The following GRIK2 variants were observed in gnomAD, a reference collection of about 807,000 sequenced individuals.
The protein encoded by GRIK2 is glutamate receptor ionotropic, kainate 2.
A neutral mutation model predicts 100.3 loss-of-function variants in GRIK2; 32 were observed. The ratio of observed to expected loss-of-function variants is 0.32; its 90% CI spans 0.24 to 0.43. GRIK2 has a LOEUF of 0.43. GRIK2 is among the 20% of genes least tolerant of loss of function. The pLI, the probability that GRIK2 is intolerant of heterozygous loss-of-function variation, is 1.00. For missense variants in GRIK2, 843 were observed against 1,114.9 expected (o/e 0.76, Z 3.47); for synonymous variants, 417 against 389.4 (o/e 1.07, Z -0.83).
chr6:102,020,592 G>C (rs190605368), intron 14 of GRIK2, among the ~76,000 whole-genome samples: 14 of 151,928 alleles, frequency 9.2e-5, no homozygotes. Flanking sequence ...AAGAATGGGA[G>C]CTTCTTGCTA....
At chr6:101,788,938 G>T (rs1289165638) in intron 7 of GRIK2, among the ~76,000 whole-genome samples, 1 of 152,102 alleles carries the variant, frequency 6.6e-6, no homozygotes, top group Non-Finnish European at 1.5e-5. Flanking sequence ...TTGTGATTTT[G>T]ATTTGCATAT....
intron 2 of GRIK2, among the ~76,000 whole-genome samples, chr6:101,487,569 T>A (rs1389301267): frequency 6.8e-6 from 1 of 147,092 alleles, no homozygotes; most frequent in Non-Finnish European, 1.5e-5. Flanking sequence ...CACCAATATG[T>A]ATAAAACAAA....
At chr6:101,666,266 G>T (rs1333110273) in intron 4 of GRIK2, among the ~76,000 whole-genome samples, 1 of 152,198 alleles carries the variant, frequency 6.6e-6, no homozygotes, top group Non-Finnish European at 1.5e-5. Context: ...AGACTTTTCA[G>T]TTGTTCTTTC....
At chr6:101,977,368 G>A (rs1273134761) in intron 14 of GRIK2, among the ~76,000 whole-genome samples, 1 of 151,776 alleles carries the variant, frequency 6.6e-6, no homozygotes, top group Non-Finnish European at 1.5e-5. Context: ...TAAAGAAGAA[G>A]GGGAGGAAGC....
intron 12 of GRIK2, among the ~76,000 whole-genome samples, chr6:101,892,451 T>C (rs1042425333): frequency 7.2e-5 from 11 of 152,132 alleles, no homozygotes; most frequent in Non-Finnish European, 1.5e-5. Flanking sequence ...TGGTAATCTG[T>C]ACTGATTTTA....
intron 7 of GRIK2, among the ~76,000 whole-genome samples, chr6:101,779,873 C>T (rs974606711): frequency 6.6e-6 from 1 of 151,348 alleles, no homozygotes; most frequent in Non-Finnish European, 1.5e-5. Flanking sequence ...ATAAATCTCT[C>T]TCTCTATATA....
intron 2 of GRIK2, among the ~76,000 whole-genome samples, chr6:101,476,865 AG>A (rs1442950867): frequency 6.6e-6 from 1 of 152,164 alleles, no homozygotes; most frequent in African/African-American, 2.4e-5. Flanking sequence ...GTTCAGGAAG[AG>A]AAAGCAGTGG....
At chr6:101,657,448 G>A (rs1020988355) in intron 4 of GRIK2, among the ~76,000 whole-genome samples, 5 of 152,066 alleles carry the variant, frequency 3.3e-5, no homozygotes, top group African/African-American at 1.2e-4. Context: ...GCAGTCTTGG[G>A]TGGTATCTTT....
At chr6:101,430,882 T>C in intron 2 of GRIK2, 1 of 343,482 alleles carries the variant, frequency 2.9e-6, no homozygotes, top group South Asian at 3.4e-5. Flanking sequence ...TAGGCAGTGG[T>C]GGTGAAGCTG....
At chr6:101,861,950 A>T (rs1784758267) in intron 11 of GRIK2, among the ~76,000 whole-genome samples, 2 of 152,150 alleles carry the variant, frequency 1.3e-5, no homozygotes, top group Non-Finnish European at 2.9e-5. Context: ...TACAACGAGA[A>T]TGGGGGCTTG....
At chr6:101,592,069 C>T (rs648118) in intron 2 of GRIK2, among the ~76,000 whole-genome samples, 57,557 of 151,642 alleles carry the variant, frequency 0.38, 11,921 homozygotes, top group African/African-American at 0.56. Flanking sequence ...AATCTCTTTC[C>T]TACTCCCTCT....
chr6:101,772,097 G>A (rs924978963), intron 7 of GRIK2, among the ~76,000 whole-genome samples: 9 of 152,096 alleles, frequency 5.9e-5, no homozygotes, highest in Admixed American at 4.6e-4. Context: ...TTATCAACAG[G>A]TTCCTCTTCT....
intron 7 of GRIK2, among the ~76,000 whole-genome samples, chr6:101,687,379 A>G (rs1297584973): frequency 6.6e-5 from 10 of 152,002 alleles, no homozygotes; most frequent in Non-Finnish European, 1.5e-5. Flanking sequence ...TACATTTCAT[A>G]GGAAATTACC....
chr6:101,795,295 A>G (rs970743149), intron 7 of GRIK2, among the ~76,000 whole-genome samples: 1 of 152,044 alleles, frequency 6.6e-6, no homozygotes, highest in African/African-American at 2.4e-5. Context: ...TCCTCATATG[A>G]TTTTTACAGC....
At chr6:101,497,669 G>C (rs1198106254) in intron 2 of GRIK2, among the ~76,000 whole-genome samples, 1 of 151,996 alleles carries the variant, frequency 6.6e-6, no homozygotes, top group African/African-American at 2.4e-5. Flanking sequence ...GTACTAGAGA[G>C]ATATTTCTTA....
chr6:101,976,494 C>T (rs567188294), intron 14 of GRIK2, among the ~76,000 whole-genome samples: 6 of 151,848 alleles, frequency 4.0e-5, no homozygotes, highest in South Asian at 2.1e-4. Flanking sequence ...CCCAGCAGTT[C>T]GAGACCAGCT....
chr6:101,721,266 A>G (rs1774462458), intron 7 of GRIK2, among the ~76,000 whole-genome samples: 2 of 152,020 alleles, frequency 1.3e-5, no homozygotes, highest in Non-Finnish European at 2.9e-5. Flanking sequence ...AACTATAAAA[A>G]TGTATTCAGC....
intron 15 of GRIK2, among the ~76,000 whole-genome samples, chr6:102,048,022 A>T (rs1230853952): frequency 6.6e-6 from 1 of 151,468 alleles, no homozygotes; most frequent in East Asian, 2.0e-4. Flanking sequence ...AAAAATAGAC[A>T]TATTGACCAA....
At chr6:101,978,598 A>C (rs1793538285) in intron 14 of GRIK2, among the ~76,000 whole-genome samples, 1 of 151,966 alleles carries the variant, frequency 6.6e-6, no homozygotes, top group South Asian at 2.1e-4. Flanking sequence ...TTCTGACAGA[A>C]AGAAGTTAGA....
Sources: gnomAD v4.1 joint callset for allele counts (sites outside exome capture counted in the v4.1 genomes callset) on GRCh38, gnomAD v4.1.1 for gene constraint, MANE v1.5 for transcripts, NCBI Gene and HGNC (gene_info 2026-07-23, HGNC 2026-07-21) for gene names.